Variants in MLPH observed in about 807,000 individuals in gnomAD.
MLPH encodes exophilin-3.
A neutral mutation model predicts 72.1 loss-of-function variants in MLPH; 51 were observed. The observed-to-expected ratio is 0.71, with a 90% CI of 0.56 to 0.89. The LOEUF is 0.89. Ranked by LOEUF, MLPH falls within the 40% of genes least tolerant of loss-of-function variation. MLPH has a pLI of 0.00. For missense variants in MLPH, 743 were observed against 759.9 expected (o/e 0.98, Z 0.26); for synonymous variants, 301 against 310.1 (o/e 0.97, Z 0.31).
At chr2:237,499,330 A>T (rs1002172571) in intron 2 of MLPH, among the ~76,000 whole-genome samples, 1 of 152,060 alleles carries the variant, frequency 6.6e-6, no homozygotes, top group Non-Finnish European at 1.5e-5. Context: ...ATAATTAAAT[A>T]AAATAAAATT....
intron 2 of MLPH, among the ~76,000 whole-genome samples, chr2:237,498,258 C>A (rs1157857179): frequency 6.6e-6 from 1 of 152,200 alleles, no homozygotes; most frequent in Non-Finnish European, 1.5e-5. Flanking sequence ...AAAGAAAATG[C>A]ATTTCTTTTA....
intron 1 of MLPH, among the ~76,000 whole-genome samples, chr2:237,487,659 T>G (rs2079344881): frequency 6.6e-6 from 1 of 152,236 alleles, no homozygotes; most frequent in Non-Finnish European, 1.5e-5. Context: ...CAGACTGCTC[T>G]GGGTGCAGGC....
intron 4 of MLPH, among the ~76,000 whole-genome samples, chr2:237,515,827 A>G (rs1389591381): frequency 1.3e-5 from 2 of 152,162 alleles, no homozygotes; most frequent in African/African-American, 2.4e-5. Flanking sequence ...GTCAGGGTCA[A>G]GGGCTTGGTG....
At chr2:237,531,802 G>A (rs758909226) in intron 8 of MLPH, among the ~76,000 whole-genome samples, 1 of 152,114 alleles carries the variant, frequency 6.6e-6, no homozygotes, top group African/African-American at 2.4e-5. Flanking sequence ...GTGGACTAGT[G>A]AAGTTTTCAC....
chr2:237,553,562 A>G lies in MLPH; in HGVS notation c.1777-4A>G. Reference sequence around the variant, plus strand: ...ATATGTGCATGTGTGTTTGTACTTTACAGAAACCTGTGGTGGCCCACCAGT... The same window carrying G: ...ATATGTGCATGTGTGTTTGTACTTTGCAGAAACCTGTGGTGGCCCACCAGT... On this transcript the variant is annotated splice_region_variant and splice_polypyrimidine_tract_variant and intron_variant, in intron 15 of 15. Transcript: ENST00000264605. 1 of 1,614,002 alleles carries G rather than the reference A, an allele frequency of 6.2e-7. No homozygotes were observed. The highest frequency in any genetic ancestry group is 8.5e-7 in the Non-Finnish European group (1 of 1,180,006).
At chr2:237,511,880 C>T (rs1199182731) in intron 4 of MLPH, among the ~76,000 whole-genome samples, 2 of 152,132 alleles carry the variant, frequency 1.3e-5, no homozygotes, top group Non-Finnish European at 2.9e-5. Context: ...TGGGAGGATG[C>T]CGGGGGGTCT....
rs3751109 is a variant in MLPH, at chr2:237,518,551, T to C, written c.458T>C (p.Leu153Pro). ...GTATCTATTGCAGCTGGGCCTGAAC[T>C]GATATCTGAAGAGAGAAGTGGAGAC... ...GRLQGGAGPELISEERSGDSD... is the reference protein window; with the variant it reads ...GRLQGGAGPEPISEERSGDSD... The change falls in exon 5 of 16, where the codon CTG (leucine) becomes CCG (proline). Residue 153 changes from leucine (L) to proline (P), a missense_variant. Coordinates refer to ENST00000264605, the MANE Select transcript of MLPH (RefSeq NM_024101.7). 0.17 allele frequency: 267,324 copies of C among 1,611,472 alleles called. 24,326 individuals carry two copies. The highest frequency in any genetic ancestry group is 0.34 in the African/African-American group (25,772 of 74,786).
rs1183963638 is a variant in MLPH, at chr2:237,493,516, G to C, written c.90G>C (p.Arg30Ser). Residue 30 changes from arginine (R) to serine (S), a missense_variant, in exon 2 of 16, where the codon AGG becomes AGC. Coordinates refer to ENST00000264605, the MANE Select transcript of MLPH (RefSeq NM_024101.7). ...EVVQRDFDLR[R>S]KEEERLEALK... ...TTCAACGAGATTTTGACCTCCGAAGGAAAGAAGAGGAACGGCTAGAGTGAG... is the reference window on the plus strand; with the variant it reads ...TTCAACGAGATTTTGACCTCCGAAGCAAAGAAGAGGAACGGCTAGAGTGAG... 1.2e-6 allele frequency: 2 copies of C among 1,613,790 alleles called. No homozygotes were observed. The highest frequency in any genetic ancestry group is 1.7e-5 in the Admixed American group (1 of 60,010).
intron 8 of MLPH, among the ~76,000 whole-genome samples, chr2:237,529,160 C>G (rs7609087): frequency 0.4 from 61,218 of 151,822 alleles, 15,422 homozygotes; most frequent in African/African-American, 0.72. Flanking sequence ...CTCCTGCCTC[C>G]CCTTCCTGAG....
chr2:237,536,181 G>A (rs940994300), intron 9 of MLPH, among the ~76,000 whole-genome samples: 1 of 152,162 alleles, frequency 6.6e-6, no homozygotes, highest in African/African-American at 2.4e-5. Flanking sequence ...GTGGGAAGCA[G>A]AGCACACAGG....
At position 237,532,487 on chromosome 2, in the gene MLPH, G is replaced by C. The variant is rs554395264; in HGVS notation, c.1021-2077G>C. Among the ~76,000 whole-genome samples, 9 of 152,350 alleles carry C rather than the reference G, an allele frequency of 5.9e-5. No homozygotes were observed. The East Asian group carries it at 1.7e-3, about 29-fold the overall frequency. ...CTCCGCCCCCTCACTCCCAAGGGCC[G>C]GCCCTGGGGCCATTCGTGTGTGCTC... On this transcript the variant is annotated intron_variant, in intron 8 of 15. Coordinates refer to ENST00000264605, the MANE Select transcript of MLPH (RefSeq NM_024101.7).
intron 9 of MLPH, 133 bp from the exon 10 acceptor site, chr2:237,540,215 G>A: frequency 1.0e-6 from 1 of 980,188 alleles, no homozygotes; most frequent in Non-Finnish European, 1.5e-6. Flanking sequence ...AAGCTGGCAT[G>A]GAGAAGGGAG....
chr2:237,553,152 C>G, intron 15 of MLPH: 1 of 475,096 alleles, frequency 2.1e-6, no homozygotes, highest in Non-Finnish European at 4.3e-6. Context: ...CAATCAGAGG[C>G]TGAAGGGAAG....
At chr2:237,525,872 C>T in intron 7 of MLPH, 67 bp downstream of exon 7, 1 of 1,458,850 alleles carries the variant, frequency 6.9e-7, no homozygotes. Context: ...TGAGGAACAA[C>T]CCCACCACCC....
In MLPH at chr2:237,540,563, G is replaced by A. The variant is rs75126541; in HGVS notation, c.1290+30G>A. ...GACTATCCCCCAGAGGTCTCAGCAG[G>A]ACCCTGCAGAGGTAGGGGCAGGGAT... On this transcript the variant is annotated intron_variant, in intron 10 of 15. Coordinates refer to ENST00000264605, the MANE Select transcript of MLPH (RefSeq NM_024101.7). The A allele has an allele frequency of 3.8e-6, 6 of 1,598,820 alleles. No homozygotes were observed. In the Admixed American group the frequency reaches 6.9e-5, roughly 18 times the overall value.
rs2080326611 is a variant in MLPH, at chr2:237,527,372, T to C, written c.881-5T>C. The C allele has an allele frequency of 1.9e-6, 3 of 1,614,100 alleles. No homozygotes were observed. Among genetic ancestry groups the C allele is most frequent in the Admixed American group, 1.7e-5 (1 of 60,004 alleles). ...AAGTAATTCAAACCCACTCTCGCTC[T>C]GAAGGGTCGAATGTCATCAGGAATG... On this transcript the variant is annotated splice_region_variant and splice_polypyrimidine_tract_variant and intron_variant, in intron 7 of 15. Transcript: ENST00000264605.
At position 237,540,417 on chromosome 2, in the gene MLPH, C is replaced by A; in HGVS notation, c.1174C>A (p.Leu392Met). 1 of 1,613,576 alleles carries A rather than the reference C, an allele frequency of 6.2e-7. No individual in the cohort carries two copies. Among genetic ancestry groups the A allele is most frequent in the Non-Finnish European group, 8.5e-7 (1 of 1,179,878 alleles). The change falls in exon 10 of 16, where the codon CTG becomes ATG. Residue 392 changes from leucine (L) to methionine (M), a missense_variant. Leu to Met is a conservative substitution (Grantham distance 15). Coordinates refer to ENST00000264605, the MANE Select transcript of MLPH (RefSeq NM_024101.7). ...GGCCCTGAGGAGGAAGCTGGAGGAG[C>A]TGACCAGCAACGTCAGTGACCAGGA... ...EEALRRKLEE[L>M]TSNVSDQETS...
intron 12 of MLPH, chr2:237,545,759 G>A: frequency 5.1e-6 from 4 of 790,678 alleles, no homozygotes; most frequent in South Asian, 2.3e-5. Context: ...TCCCAGATAG[G>A]GTCATGACGG....
intron 12 of MLPH, among the ~76,000 whole-genome samples, chr2:237,543,458 G>A (rs2080781322): frequency 2.6e-5 from 1 of 38,734 alleles, no homozygotes; most frequent in Non-Finnish European, 4.7e-5. Context: ...GGTGAGTTGG[G>A]GGACAGTGGT....
Sources: allele counts gnomAD v4.1 joint callset (sites outside exome capture counted in the v4.1 genomes callset), GRCh38; gene constraint gnomAD v4.1.1; transcripts MANE v1.5; gene names NCBI Gene and HGNC (gene_info 2026-07-23, HGNC 2026-07-21).